The following FGFR1 variants were observed in gnomAD, a reference collection of about 807,000 sequenced individuals.
The protein encoded by FGFR1 is fibroblast growth factor receptor 1.
A neutral mutation model predicts 93.7 loss-of-function variants in FGFR1; 18 were observed. The ratio of observed to expected loss-of-function variants is 0.19; its 90% CI spans 0.13 to 0.28. The LOEUF is 0.28. Ranked by LOEUF, FGFR1 falls within the 10% of genes least tolerant of loss-of-function variation. FGFR1 has a pLI of 1.00. For synonymous variants in FGFR1, 448 were observed against 429.3 expected (o/e 1.04, Z -0.54); for missense variants, 731 against 1,080.4 (o/e 0.68, Z 4.53).
chr8:38,436,216 A>C (rs892644931), intron 2 of FGFR1, among the ~76,000 whole-genome samples: 15 of 152,062 alleles, frequency 9.9e-5, no homozygotes, highest in Non-Finnish European at 1.8e-4. Flanking sequence ...CTCTGCGAAA[A>C]ATAAAAAAAT....
At chr8:38,415,468 A>ATT (rs11451619) in intron 13 of FGFR1, among the ~76,000 whole-genome samples, 29 of 141,684 alleles carry the variant, frequency 2.0e-4, no homozygotes, top group Non-Finnish European at 3.5e-4. Flanking sequence ...TAATTTTTTA[A>ATT]TTTTTTTTTT....
chr8:38,434,502 T>C (rs1824519726), intron 2 of FGFR1: 2 of 388,014 alleles, frequency 5.2e-6, no homozygotes, highest in African/African-American at 2.1e-5. Flanking sequence ...GATTCTCATC[T>C]GGAAACGATC....
At chr8:38,456,452 C>A (rs1474963544) in intron 2 of FGFR1, among the ~76,000 whole-genome samples, 1 of 152,120 alleles carries the variant, frequency 6.6e-6, no homozygotes, top group African/African-American at 2.4e-5. Context: ...CTTCCTGGGT[C>A]TCAATCACTT....
intron 1 of FGFR1, among the ~76,000 whole-genome samples, chr8:38,463,780 G>A (rs1485007772): frequency 6.6e-6 from 1 of 152,154 alleles, no homozygotes; most frequent in Non-Finnish European, 1.5e-5. Flanking sequence ...TCAGAATTGA[G>A]GAAGTAACAC....
Position 38,413,506 on chromosome 8 carries a change from G to T in FGFR1, c.*122C>A. ...GGCAGGCCACACAGGAAGGCCCCTG[G>T]TAGGCAGCCGGCTCCTGCCAGCAGG... On this transcript the variant is annotated 3_prime_UTR_variant, in exon 18 of 18. Transcript: ENST00000447712. This position sits in a 1 kb window ranked among gnomAD's most constrained non-coding sequence, Gnocchi z 4.2. 1 of 1,149,970 alleles carries T rather than the reference G, an allele frequency of 8.7e-7. No homozygotes were observed. Among genetic ancestry groups the T allele is most frequent in the Non-Finnish European group, 1.2e-6 (1 of 815,002 alleles). The allele number at this position is 1,149,970 out of a possible 1,614,324, so 71.2% of individuals were successfully genotyped here.
intron 13 of FGFR1, among the ~76,000 whole-genome samples, chr8:38,415,144 C>T (rs1362697558): frequency 6.6e-6 from 1 of 152,188 alleles, no homozygotes; most frequent in African/African-American, 2.4e-5. Context: ...GCGTCTGCAG[C>T]GATGCATGCT....
chr8:38,455,591 C>T (rs921419900), intron 2 of FGFR1, among the ~76,000 whole-genome samples: 3 of 152,136 alleles, frequency 2.0e-5, no homozygotes, highest in African/African-American at 4.8e-5. Context: ...GTGCCCGGCC[C>T]TAAGTATAGT....
intron 2 of FGFR1, chr8:38,430,858 T>G (rs1408407941): frequency 1.3e-5 from 2 of 151,932 alleles, no homozygotes; most frequent in Admixed American, 1.3e-4. Context: ...CACCTGTCCC[T>G]CCCCTGACCA....
chr8:38,438,611 A>T (rs985921789), intron 2 of FGFR1, among the ~76,000 whole-genome samples: 6 of 152,022 alleles, frequency 3.9e-5, no homozygotes, highest in African/African-American at 1.5e-4. Flanking sequence ...ATTTGGGATT[A>T]GTCCAAGATG....
chr8:38,442,175 G>T (rs1296031866), intron 2 of FGFR1, among the ~76,000 whole-genome samples: 3 of 152,160 alleles, frequency 2.0e-5, no homozygotes, highest in African/African-American at 7.2e-5. Flanking sequence ...CCAGGATCTG[G>T]TAAGGACCAC....
chr8:38,419,498 G>A (rs773057849), intron 9 of FGFR1, 35 bp downstream of exon 9: 2 of 1,571,098 alleles, frequency 1.3e-6, no homozygotes, highest in South Asian at 2.2e-5. Flanking sequence ...AGAGAGAGAG[G>A]TGGTGCTGAG....
Position 38,412,670 on chromosome 8 carries a change from C to G in FGFR1, c.*958G>C. 4.3e-6 allele frequency: 1 copy of G among 233,096 alleles called. No individual in the cohort carries two copies. The highest frequency in any genetic ancestry group is 8.5e-6 in the Non-Finnish European group (1 of 117,830). The allele number at this position is 233,096 out of a possible 1,614,324, so 14.4% of individuals were successfully genotyped here. On this transcript the variant is annotated 3_prime_UTR_variant, in exon 18 of 18. Transcript: ENST00000447712. ...TCGGGACAGACCTAGCCCCAGGGCC[C>G]GTGGGTGTCCCTTCTTTCCAGTGGA...
chr8:38,424,618 A>G lies in FGFR1; in HGVS notation c.827T>C (p.Met276Thr). Residue 276 changes from methionine (M) to threonine (T), a missense_variant, in exon 7 of 18, where the codon ATG becomes ACG. Physicochemically the swap from Met to Thr is moderately conservative, Grantham distance 81. Transcript: ENST00000447712. The surrounding 1 kb of genome is among the most constrained non-coding windows in gnomAD (Gnocchi z 4.3). ...TVALGSNVEF[M>T]CKVYSDPQPH... ...CTGCGGGTCACTGTACACCTTACAC[A>G]TGAACTCCACGTTGCTACCCAGGGC... 2 of 1,614,186 alleles carry G rather than the reference A, an allele frequency of 1.2e-6. No individual in the cohort carries two copies. The highest frequency in any genetic ancestry group is 1.1e-5 in the South Asian group (1 of 91,078).
At chr8:38,432,917 C>T (rs551387989) in intron 2 of FGFR1, among the ~76,000 whole-genome samples, 4 of 142,596 alleles carry the variant, frequency 2.8e-5, no homozygotes, top group African/African-American at 7.7e-5. Flanking sequence ...CGCCCCCCCC[C>T]CTCCCCAGTT....
chr8:38,429,759 G>A lies in FGFR1; in HGVS notation c.281C>T (p.Ala94Val). The change falls in exon 3 of 18, where the codon GCA becomes GTA. Residue 94 changes from alanine to valine, a missense_variant. By Grantham distance (64) the Ala-to-Val change is moderately conservative. Transcript: ENST00000447712. This position sits in a 1 kb window ranked among gnomAD's most constrained non-coding sequence, Gnocchi z 4.4. ...EEVEVQDSVP[A>V]DSGLYACVTS... ...TACGCAAGCATAGAGGCCGGAGTCT[G>A]CGGGCACGGAGTCCTGCACCTCCAC... The A allele has an allele frequency of 6.2e-7, 1 of 1,601,442 alleles. No homozygotes were observed. Among genetic ancestry groups the A allele is most frequent in the Non-Finnish European group, 8.5e-7 (1 of 1,174,036 alleles).
intron 13 of FGFR1, among the ~76,000 whole-genome samples, chr8:38,415,373 A>G (rs1005167486): frequency 6.6e-6 from 1 of 152,088 alleles, no homozygotes; most frequent in Non-Finnish European, 1.5e-5. Context: ...GGCTCAGTGC[A>G]GCCTCAAACT....
intron 2 of FGFR1, among the ~76,000 whole-genome samples, chr8:38,433,965 C>G (rs1824251175): frequency 6.6e-6 from 1 of 152,292 alleles, no homozygotes; most frequent in East Asian, 1.9e-4. Context: ...AATCTGCTTT[C>G]TGTCTATGGA....
rs1815235712 is a variant in FGFR1 at position 38,413,812 on chromosome 8, G to C, written c.2293-8C>G. The C allele has an allele frequency of 1.9e-6, 3 of 1,614,014 alleles. No individual in the cohort carries two copies. The highest frequency in any genetic ancestry group is 2.5e-6 in the Non-Finnish European group (3 of 1,179,936). ...GGACAGGTCCAGGTACTCCTGTGATGGGCGAGAGGAAGCAGCGATGGGCCG... is the reference window on the plus strand; with the variant it reads ...GGACAGGTCCAGGTACTCCTGTGATCGGCGAGAGGAAGCAGCGATGGGCCG... On this transcript the variant is annotated splice_polypyrimidine_tract_variant and splice_region_variant and intron_variant, in intron 17 of 17. Transcript: ENST00000447712. The surrounding 1 kb of genome is among the most constrained non-coding windows in gnomAD (Gnocchi z 4.2).
chr8:38,456,220 G>C (rs1324466145), intron 2 of FGFR1, among the ~76,000 whole-genome samples: 1 of 152,144 alleles, frequency 6.6e-6, no homozygotes, highest in South Asian at 2.1e-4. Flanking sequence ...TTCTCTGTGT[G>C]ACCAGCCACT....
Sources: gnomAD v4.1 joint callset for allele counts (sites outside exome capture counted in the v4.1 genomes callset) on GRCh38, gnomAD v4.1.1 for gene constraint, Gnocchi (gnomAD v3.1) non-coding constraint, MANE v1.5 for transcripts, NCBI Gene and HGNC (gene_info 2026-07-23, HGNC 2026-07-21) for gene names.